Variants in CALN1 observed in about 807,000 individuals in gnomAD.
CALN1 encodes calneuron 1, also known as calcium-binding protein 8.
Under a neutral mutation model 30.6 loss-of-function variants are expected in CALN1, and 17 were observed. The ratio of observed to expected loss-of-function variants is 0.56; its 90% confidence interval spans 0.38 to 0.83. The LOEUF is 0.83. Among genes scored for constraint, CALN1 ranks in the 40% least tolerant of loss-of-function variants. The probability of loss-of-function intolerance (pLI) is 0.00; values close to 1 mark genes in which losing one functional copy is unlikely to be tolerated. For synonymous variants in CALN1, 156 were observed against 131.4 expected, an observed-to-expected ratio of 1.19 and a Z score of -1.28; for missense variants, 291 against 354.9, an observed-to-expected ratio of 0.82 and a Z score of 1.45.
At chr7:71,788,821 C>CT (rs1170715027) in intron 6 of CALN1, among the ~76,000 whole-genome samples, 1 of 151,990 alleles carries the variant, frequency 6.6e-6, no homozygotes, top group Non-Finnish European at 1.5e-5. Context: ...CCATGCCCGG[C>CT]TAATTTTTTG....
intron 5 of CALN1, among the ~76,000 whole-genome samples, chr7:71,843,232 G>A (rs1033039899): frequency 6.6e-6 from 1 of 152,040 alleles, no homozygotes; most frequent in Non-Finnish European, 1.5e-5. Context: ...TTAGAAGCTG[G>A]GTTGGCCCAT....
At chr7:72,049,099 G>A (rs994763932) in intron 4 of CALN1, among the ~76,000 whole-genome samples, 12 of 152,042 alleles carry the variant, frequency 7.9e-5, no homozygotes, top group South Asian at 2.1e-4. Context: ...GTGAGCCACC[G>A]CACCCAGCCA....
chr7:72,333,255 C>T (rs1801792987), intron 2 of CALN1, among the ~76,000 whole-genome samples: 1 of 152,226 alleles, frequency 6.6e-6, no homozygotes, highest in Admixed American at 6.5e-5. Flanking sequence ...AACCCTAACA[C>T]ATGGTCTGGC....
chr7:72,128,695 G>A (rs1217936246), intron 3 of CALN1, among the ~76,000 whole-genome samples: 3 of 152,056 alleles, frequency 2.0e-5, no homozygotes, highest in Non-Finnish European at 4.4e-5. Flanking sequence ...ACATGGCGAA[G>A]CCCCATCTCT....
intron 5 of CALN1, among the ~76,000 whole-genome samples, chr7:71,922,666 C>T (rs1382188510): frequency 1.6e-5 from 2 of 126,138 alleles, no homozygotes; most frequent in Admixed American, 8.6e-5. Flanking sequence ...AAATATATAA[C>T]ATACAGAATA....
intron 1 of CALN1, among the ~76,000 whole-genome samples, chr7:72,410,798 C>G (rs967114187): frequency 6.6e-6 from 1 of 150,994 alleles, no homozygotes; most frequent in Admixed American, 6.6e-5. Context: ...CACGAGCCAG[C>G]ACCCTACCTT....
chr7:71,950,177 A>T (rs1796617458), intron 5 of CALN1, among the ~76,000 whole-genome samples: 1 of 152,290 alleles, frequency 6.6e-6, no homozygotes, highest in East Asian at 1.9e-4. Context: ...CTCCCCTGGT[A>T]ACACCTGGAG....
intron 6 of CALN1, among the ~76,000 whole-genome samples, chr7:71,806,059 G>A (rs1787591141): frequency 6.6e-6 from 1 of 152,160 alleles, no homozygotes; most frequent in African/African-American, 2.4e-5. Context: ...TGCGGGGTGG[G>A]GGATGGAGAG....
chr7:72,467,432 T>G, the CALN1 span, among the ~76,000 whole-genome samples: 1 of 152,050 alleles, frequency 6.6e-6, no homozygotes, highest in Non-Finnish European at 1.5e-5. Context: ...TCCCTGGAGC[T>G]CGGCCAGGAC....
intron 5 of CALN1, among the ~76,000 whole-genome samples, chr7:71,985,675 T>C (rs1472151979): frequency 3.6e-5 from 5 of 139,126 alleles, no homozygotes; most frequent in African/African-American, 8.0e-5. Context: ...CTGTAACCCC[T>C]GCCTCCCAGG....
the CALN1 span, among the ~76,000 whole-genome samples, chr7:72,459,290 AC>A: frequency 6.6e-6 from 1 of 152,200 alleles, no homozygotes. Flanking sequence ...TGAAATTCTA[AC>A]AAAATGTCAA....
intron 2 of CALN1, among the ~76,000 whole-genome samples, chr7:72,279,554 C>T (rs1167372214): frequency 6.6e-6 from 1 of 152,200 alleles, no homozygotes; most frequent in Admixed American, 6.5e-5. Flanking sequence ...AAAAAAGCTC[C>T]TGAACCCAGA....
chr7:71,861,652 G>GCAC (rs1791285190), intron 5 of CALN1, among the ~76,000 whole-genome samples: 1 of 151,778 alleles, frequency 6.6e-6, no homozygotes. Flanking sequence ...ATTGTGGTGT[G>GCAC]CACCTAGTCC....
chr7:72,032,032 CCA>C (rs1801478828), intron 4 of CALN1, among the ~76,000 whole-genome samples: 1 of 150,030 alleles, frequency 6.7e-6, no homozygotes, highest in African/African-American at 2.5e-5. Context: ...CAGGCGTGAG[CCA>C]CCACACCTGG....
chr7:72,447,332 A>G (rs1206772909), upstream of CALN1, among the ~76,000 whole-genome samples: 2 of 152,108 alleles, frequency 1.3e-5, no homozygotes, highest in African/African-American at 4.8e-5. Flanking sequence ...CTCCAGCAAG[A>G]AAACGGGGCT....
At chr7:72,394,849 ACT>A (rs1208940010) in intron 2 of CALN1, among the ~76,000 whole-genome samples, 1 of 151,370 alleles carries the variant, frequency 6.6e-6, no homozygotes, top group African/African-American at 2.4e-5. Context: ...GTAGAGATGG[ACT>A]CTCACTAGAT....
chr7:72,224,466 A>T (rs190028599), intron 3 of CALN1, among the ~76,000 whole-genome samples: 3 of 152,350 alleles, frequency 2.0e-5, no homozygotes, highest in Non-Finnish European at 4.4e-5. Context: ...GAACTAAAGG[A>T]AGACCCAGCC....
intron 5 of CALN1, among the ~76,000 whole-genome samples, chr7:71,940,157 C>T (rs1304492968): frequency 1.3e-5 from 2 of 152,188 alleles, no homozygotes; most frequent in Non-Finnish European, 2.9e-5. Flanking sequence ...CTGATCTCCA[C>T]TTTTTTTCTC....
At chr7:72,092,148 G>T (rs1263086769) in intron 4 of CALN1, among the ~76,000 whole-genome samples, 1 of 152,004 alleles carries the variant, frequency 6.6e-6, no homozygotes, top group East Asian at 1.9e-4. Flanking sequence ...TTGTGAATTT[G>T]TTGCTTTTCT....
Sources: gnomAD v4.1 joint callset for allele counts (sites outside exome capture counted in the v4.1 genomes callset) on GRCh38, gnomAD v4.1.1 for gene constraint, MANE v1.5 for transcripts, NCBI Gene and HGNC (gene_info 2026-07-23, HGNC 2026-07-21) for gene names.